TASOR: variants seen among roughly 807,000 people sequenced by gnomAD.
TASOR encodes the protein transcription activation suppressor.
Under a neutral mutation model 178.6 loss-of-function variants are expected in TASOR, and 53 were observed. The observed-to-expected ratio is 0.30, with a 90% CI of 0.24 to 0.37. The LOEUF (loss-of-function observed/expected upper bound fraction) is 0.37, where lower values mean the gene tolerates loss of function less well. Among genes scored for constraint, TASOR ranks in the 10% least tolerant of loss-of-function variants. The pLI, the probability that TASOR is intolerant of heterozygous loss-of-function variation, is 1.00. For missense variants in TASOR, 1,815 were observed against 1,971.4 expected (o/e 0.92, Z 1.50); for synonymous variants, 713 against 696.2 (o/e 1.02, Z -0.38).
intron 11 of TASOR, among the ~76,000 whole-genome samples, chr3:56,656,905 G>C (rs1216922330): frequency 6.6e-6 from 1 of 151,816 alleles, no homozygotes; most frequent in African/African-American, 2.4e-5. Flanking sequence ...AGCTACTCTG[G>C]AGGCTGATGC....
chr3:56,634,067 G>T (rs1426362045), intron 17 of TASOR, 101 bp from the exon 18 acceptor site: 10 of 889,180 alleles, frequency 1.1e-5, no homozygotes, highest in Non-Finnish European at 1.5e-5. Context: ...CACACATTTA[G>T]AACTAATTAT....
chr3:56,663,803 G>C (rs924901873), intron 7 of TASOR: 52 of 1,011,252 alleles, frequency 5.1e-5, no homozygotes, highest in Non-Finnish European at 6.0e-5. Context: ...AAATTTAAGG[G>C]AGTTGTTTTT....
At chr3:56,673,474 T>C (rs996356364) in intron 2 of TASOR, 106 bp downstream of exon 2, 14 of 815,030 alleles carry the variant, frequency 1.7e-5, no homozygotes, top group African/African-American at 9.1e-5. Flanking sequence ...TTTCCCTTTG[T>C]AATTTGGTTT....
Position 56,669,685 on chromosome 3 carries a change from G to A in TASOR, c.735+15C>T, listed in dbSNP as rs966387087. ...GTGTAGTTTTTCATACATGAAGTGT[G>A]TAAGTTTAAATTACCTTCATTATTT... On this transcript the variant is annotated intron_variant, in intron 5 of 23. Coordinates refer to ENST00000683822, the MANE Select transcript of TASOR (RefSeq NM_001365635.2). 1 of 1,454,436 alleles carries A rather than the reference G, an allele frequency of 6.9e-7. No individual in the cohort carries two copies. The highest frequency in any genetic ancestry group is 2.2e-5 in the Admixed American group (1 of 45,718). 90.1% of individuals were successfully genotyped at this position (1,454,436 alleles called of 1,614,324 possible).
rs942643119 is a variant in TASOR at position 56,624,808 on chromosome 3, C to A, written c.4318+20G>T. On this transcript the variant is annotated intron_variant, in intron 22 of 23. Coordinates refer to ENST00000683822, the MANE Select transcript of TASOR (RefSeq NM_001365635.2). ...ACATTCCTATATTCATAGTAGAAAGCTTAGGAGTGCTCTCTTTACCTGTTA... is the reference window on the plus strand; with the variant it reads ...ACATTCCTATATTCATAGTAGAAAGATTAGGAGTGCTCTCTTTACCTGTTA... 1.9e-6 allele frequency: 3 copies of A among 1,612,208 alleles called. No individual in the cohort carries two copies. The African/African-American group carries it at 4.0e-5, about 22-fold the overall frequency.
At chr3:56,634,653 T>C (rs2076981455) in intron 17 of TASOR, among the ~76,000 whole-genome samples, 1 of 152,210 alleles carries the variant, frequency 6.6e-6, no homozygotes, top group Non-Finnish European at 1.5e-5. Flanking sequence ...TCCTTTTGTT[T>C]GGAAATAATT....
At position 56,641,667 on chromosome 3, in the gene TASOR, G is replaced by A. The variant is rs765266562; in HGVS notation, c.2301C>T (p.Asp767=). The A allele has an allele frequency of 1.2e-6, 2 of 1,614,218 alleles. No individual in the cohort carries two copies. The highest frequency in any genetic ancestry group is 2.2e-5 in the South Asian group (2 of 91,082). ...ATAACCAATTAAACAGCCTATGGATGTCAGCAATGCCGGAGTTACAGGTAT... is the reference window on the plus strand; with the variant it reads ...ATAACCAATTAAACAGCCTATGGATATCAGCAATGCCGGAGTTACAGGTAT... ...QQDTCNSGIA[D]IHRLFNWLSE... is the part of the protein sequence containing the mutation. Residue 767 remains aspartate (D), a synonymous_variant, in exon 15 of 24, where the codon GAC becomes GAT. Coordinates refer to ENST00000683822, the MANE Select transcript of TASOR (RefSeq NM_001365635.2).
chr3:56,681,730 ATAGT>A (rs1440771883), intron 1 of TASOR, among the ~76,000 whole-genome samples: 1 of 152,236 alleles, frequency 6.6e-6, no homozygotes, highest in African/African-American at 2.4e-5. Flanking sequence ...AATTTACTGG[ATAGT>A]TAAAAAATAA....
At chr3:56,637,226 T>C (rs1687741380) in intron 17 of TASOR, among the ~76,000 whole-genome samples, 1 of 152,154 alleles carries the variant, frequency 6.6e-6, no homozygotes, top group Admixed American at 6.6e-5. Flanking sequence ...ACATCTTGAT[T>C]TGGGTGATGG....
At chr3:56,628,110 G>A (rs1180838241) in intron 19 of TASOR, among the ~76,000 whole-genome samples, 1 of 152,180 alleles carries the variant, frequency 6.6e-6, no homozygotes, top group Non-Finnish European at 1.5e-5. Flanking sequence ...TGGAGATAGG[G>A]CTCCTAAGAC....
At chr3:56,623,798 GA>G in intron 23 of TASOR, 3 of 1,551,262 alleles carry the variant, frequency 1.9e-6, no homozygotes, top group Non-Finnish European at 2.6e-6. Context: ...TTAATGTTGG[GA>G]AATCCCAACT....
At chr3:56,678,409 C>T (rs867473412) in intron 1 of TASOR, among the ~76,000 whole-genome samples, 2 of 151,864 alleles carry the variant, frequency 1.3e-5, no homozygotes, top group African/African-American at 4.8e-5. Context: ...TCTCAAACTC[C>T]TGACCTCGTG....
In TASOR at chr3:56,633,946, G is replaced by C. The variant is rs1313832035; in HGVS notation, c.2845C>G (p.Gln949Glu). 4 of 1,548,636 alleles carry C rather than the reference G, an allele frequency of 2.6e-6. No homozygotes were observed. Among genetic ancestry groups the C allele is most frequent in the South Asian group, 2.4e-5 (2 of 83,764 alleles). The change falls in exon 18 of 24, where the codon CAA becomes GAA. Residue 949 changes from glutamine (Q) to glutamate (E), a missense_variant. Around this residue, in one of 5 missense-constraint regions of TASOR, gnomAD observed 655 missense variants for 671.1 expected, o/e 0.98. Coordinates refer to ENST00000683822, the MANE Select transcript of TASOR (RefSeq NM_001365635.2). ...TCCTGTGGTGGCACACACACCAGTT[G>C]TTCTTCTGGTGATTTCATACCTATA... ...QTPGMKSPEEQLVCVPPQEAF... is the reference protein window; with the variant it reads ...QTPGMKSPEEELVCVPPQEAF...
At chr3:56,652,559 A>G (rs914235809) in intron 11 of TASOR, among the ~76,000 whole-genome samples, 6 of 148,246 alleles carry the variant, frequency 4.0e-5, no homozygotes, top group Non-Finnish European at 8.9e-5. Flanking sequence ...GCCTATTTAA[A>G]AAAAAAAAAA....
At chr3:56,674,810 G>A (rs2031131420) in intron 1 of TASOR, among the ~76,000 whole-genome samples, 1 of 152,154 alleles carries the variant, frequency 6.6e-6, no homozygotes, top group Admixed American at 6.6e-5. Context: ...CATAGCATCT[G>A]ACGCATAGTA....
At position 56,624,982 on chromosome 3, in the gene TASOR, C is replaced by T; in HGVS notation, c.4164G>A (p.Leu1388=). The T allele has an allele frequency of 6.2e-7, 1 of 1,614,164 alleles. No homozygotes were observed. The highest frequency in any genetic ancestry group is 8.5e-7 in the Non-Finnish European group (1 of 1,180,022). ...LGRLNAKALS[L]LTLLNVYQKK... is the part of the protein sequence containing the mutation. ...TCTGATAGACATTCAGAAGCGTCAA[C>T]AGACTTAGAGCTTTAGCATTCAATC... The change falls in exon 22 of 24, where the codon CTG becomes CTA. Residue 1388 remains leucine, a synonymous_variant. Coordinates refer to ENST00000683822, the MANE Select transcript of TASOR (RefSeq NM_001365635.2).
intron 1 of TASOR, among the ~76,000 whole-genome samples, chr3:56,680,405 G>A (rs191007492): frequency 3.6e-4 from 55 of 152,146 alleles, no homozygotes; most frequent in Admixed American, 6.5e-4. Flanking sequence ...ACACTACTGG[G>A]AAGACCAAAA....
At chr3:56,634,024 A>G (rs1275634593) in intron 17 of TASOR, 58 bp from the exon 18 acceptor site, 2 of 1,364,130 alleles carry the variant, frequency 1.5e-6, no homozygotes. Flanking sequence ...ATATGAAAAC[A>G]CAAACCCTTA....
chr3:56,627,434 GAGA>G (rs2076823174), intron 20 of TASOR, 145 bp downstream of exon 20: 1 of 889,224 alleles, frequency 1.1e-6, no homozygotes, highest in Admixed American at 2.7e-5. Context: ...ATTGGTCTAA[GAGA>G]AGGAGAAAGA....
Sources: gnomAD v4.1 joint callset for allele counts (sites outside exome capture counted in the v4.1 genomes callset) on GRCh38, gnomAD v4.1.1 for gene constraint, gnomAD v4.1.1 regional missense constraint, MANE v1.5 for transcripts, NCBI Gene and HGNC (gene_info 2026-07-23, HGNC 2026-07-21) for gene names.